The following SEMA3E variants were observed in gnomAD, a reference collection of about 807,000 sequenced individuals.
The protein encoded by SEMA3E is semaphorin 3E.
In SEMA3E, 49 loss-of-function variants were observed where a neutral mutation model predicts 93.6. The ratio of observed to expected loss-of-function variants is 0.52; its 90% CI spans 0.42 to 0.66. The LOEUF (loss-of-function observed/expected upper bound fraction) is 0.66. SEMA3E is among the 30% of genes least tolerant of loss of function. SEMA3E has a pLI of 0.00. For synonymous variants in SEMA3E, 363 were observed against 330.7 expected, an observed-to-expected ratio of 1.10 and a Z score of -1.06; for missense variants, 906 against 964.8, an observed-to-expected ratio of 0.94 and a Z score of 0.81.
chr7:83,489,930 G>A (rs1364844040), intron 2 of SEMA3E, among the ~76,000 whole-genome samples, 184 bp downstream of exon 2: 1 of 151,924 alleles, frequency 6.6e-6, no homozygotes, highest in Non-Finnish European at 1.5e-5. Context: ...TACTAGAAAA[G>A]TTCATACAAC....
At chr7:83,492,606 C>T (rs763941854) in intron 1 of SEMA3E, among the ~76,000 whole-genome samples, 2 of 151,814 alleles carry the variant, frequency 1.3e-5, no homozygotes, top group Non-Finnish European at 2.9e-5. Flanking sequence ...AAGATGTGCA[C>T]GTTTCTGTGG....
chr7:83,631,147 T>TA (rs568772558), intron 1 of SEMA3E, among the ~76,000 whole-genome samples: 1 of 152,118 alleles, frequency 6.6e-6, no homozygotes, highest in Non-Finnish European at 1.5e-5. Context: ...TTAAGACATT[T>TA]AAAAAGCTTC....
chr7:83,539,956 C>T (rs1254067519), intron 1 of SEMA3E, among the ~76,000 whole-genome samples: 1 of 148,610 alleles, frequency 6.7e-6, no homozygotes, highest in Non-Finnish European at 1.5e-5. Context: ...TCTTGGCTCA[C>T]TGCAACCTCT....
intron 1 of SEMA3E, among the ~76,000 whole-genome samples, chr7:83,508,624 A>G (rs1363724282): frequency 6.6e-6 from 1 of 152,160 alleles, no homozygotes; most frequent in Non-Finnish European, 1.5e-5. Flanking sequence ...TATAAAATCA[A>G]TTATATTTGC....
chr7:83,598,867 A>G (rs1792928455), intron 1 of SEMA3E, among the ~76,000 whole-genome samples: 1 of 152,178 alleles, frequency 6.6e-6, no homozygotes, highest in African/African-American at 2.4e-5. Flanking sequence ...AACAAAATCT[A>G]TATGTTATAT....
chr7:83,389,722 T>C (rs1787957656), intron 14 of SEMA3E, among the ~76,000 whole-genome samples: 2 of 149,166 alleles, frequency 1.3e-5, no homozygotes, highest in Admixed American at 6.7e-5. Flanking sequence ...ACGTATATAT[T>C]ACATGTATAC....
intron 2 of SEMA3E, among the ~76,000 whole-genome samples, chr7:83,474,584 T>C (rs963103823): frequency 2.0e-5 from 3 of 152,164 alleles, no homozygotes; most frequent in African/African-American, 7.2e-5. Context: ...AAAATGGTGA[T>C]ATAAAAGAAA....
chr7:83,515,709 C>A (rs1361221291), intron 1 of SEMA3E, among the ~76,000 whole-genome samples: 1 of 152,054 alleles, frequency 6.6e-6, no homozygotes, highest in East Asian at 1.9e-4. Flanking sequence ...TTTCTTTCTC[C>A]CAAATGTTGA....
intron 4 of SEMA3E, among the ~76,000 whole-genome samples, chr7:83,436,980 G>A (rs1192610739): frequency 6.6e-6 from 1 of 152,124 alleles, no homozygotes; most frequent in Admixed American, 6.6e-5. Context: ...ATGGATGGCA[G>A]CAAGCAAAGA....
chr7:83,630,348 A>T (rs1353616), intron 1 of SEMA3E, among the ~76,000 whole-genome samples: 48,119 of 152,104 alleles, frequency 0.32, 9,046 homozygotes, highest in African/African-American at 0.51. Context: ...CATATTGATG[A>T]GATTGTCATA....
chr7:83,525,050 C>T (rs532158606), intron 1 of SEMA3E, among the ~76,000 whole-genome samples: 10 of 152,112 alleles, frequency 6.6e-5, no homozygotes, highest in South Asian at 2.1e-4. Context: ...TTCTAAGAAA[C>T]GGTGCATCAA....
chr7:83,616,933 C>G (rs545065994), intron 1 of SEMA3E, among the ~76,000 whole-genome samples: 63 of 152,192 alleles, frequency 4.1e-4, no homozygotes, highest in Non-Finnish European at 8.2e-4. Context: ...CCACGTTGGC[C>G]AGGCTGGTCT....
At chr7:83,595,494 T>C (rs1463513340) in intron 1 of SEMA3E, among the ~76,000 whole-genome samples, 4 of 152,132 alleles carry the variant, frequency 2.6e-5, no homozygotes, top group East Asian at 1.9e-4. Context: ...CTACAGGCTT[T>C]ATTCAGATTT....
intron 2 of SEMA3E, among the ~76,000 whole-genome samples, chr7:83,489,077 A>G (rs1790325508): frequency 6.6e-6 from 1 of 152,078 alleles, no homozygotes; most frequent in Non-Finnish European, 1.5e-5. Context: ...CCTAATAGGT[A>G]AAGACACTGG....
chr7:83,625,629 T>C (rs1457357064), intron 1 of SEMA3E, among the ~76,000 whole-genome samples: 12 of 152,162 alleles, frequency 7.9e-5, no homozygotes, highest in Admixed American at 3.9e-4. Flanking sequence ...GTTTTCTAAA[T>C]ATACAATCAT....
At chr7:83,386,144 G>T (rs1349016444) in intron 15 of SEMA3E, among the ~76,000 whole-genome samples, 3 of 151,980 alleles carry the variant, frequency 2.0e-5, no homozygotes, top group Admixed American at 2.0e-4. Context: ...CTCACCTTCA[G>T]AACTGACCCC....
At chr7:83,564,041 A>C (rs1387411074) in intron 1 of SEMA3E, among the ~76,000 whole-genome samples, 1 of 152,212 alleles carries the variant, frequency 6.6e-6, no homozygotes, top group African/African-American at 2.4e-5. Flanking sequence ...CAAACTTCCT[A>C]GAATTCCATA....
chr7:83,570,552 C>CA lies in SEMA3E; in HGVS notation c.115+77875dup, dbSNP rs59715914. Among the ~76,000 whole-genome samples the CA allele has an allele frequency of 9.5e-3, 311 of 32,856 alleles. 9 individuals carry two copies. The highest frequency in any genetic ancestry group is 0.012 in the Non-Finnish European group (248 of 21,526). 21.6% of individuals were successfully genotyped at this position (32,856 alleles called of 152,430 possible). ...TGGGCGACAGAGCGAGACTCCGTCT[C>CA]AAAAAAAAAAAAAAAAAAAAGAAGT... On this transcript the variant is annotated intron_variant, in intron 1 of 16. Transcript: ENST00000643230.
Position 83,408,499 on chromosome 7 carries a change from C to G in SEMA3E, c.551-12G>C. The stretch of plus-strand genomic sequence containing the variant: ...AAACAATTCACTACCTACACGGGAG[C>G]ATCAGTAAAAAAGAAGTCAGTATTT... On this transcript the variant is annotated splice_polypyrimidine_tract_variant and intron_variant, in intron 5 of 16. Transcript: ENST00000643230. 6.2e-7 allele frequency: 1 copy of G among 1,613,286 alleles called. No individual in the cohort carries two copies. The highest frequency in any genetic ancestry group is 1.1e-5 in the South Asian group (1 of 91,054).
Sources: allele counts gnomAD v4.1 joint callset (sites outside exome capture counted in the v4.1 genomes callset), GRCh38; gene constraint gnomAD v4.1.1; transcripts MANE v1.5; gene names NCBI Gene and HGNC (gene_info 2026-07-23, HGNC 2026-07-21).